MBTD1: variants seen among roughly 807,000 people sequenced by gnomAD.
The protein encoded by MBTD1 is MBT domain-containing protein 1.
In MBTD1, 24 loss-of-function variants were observed where a neutral mutation model predicts 87.8. The observed-to-expected ratio is 0.27, with a 90% CI of 0.20 to 0.38. MBTD1 has a LOEUF of 0.38. Ranked by LOEUF, MBTD1 falls within the 10% of genes least tolerant of loss-of-function variation. The pLI, the probability that MBTD1 is intolerant of heterozygous loss-of-function variation, is 1.00. For synonymous variants in MBTD1, 237 were observed against 248.6 expected (o/e 0.95, Z 0.44); for missense variants, 436 against 760.2 (o/e 0.57, Z 5.02).
chr17:51,193,782 C>T (rs538481535), intron 13 of MBTD1, among the ~76,000 whole-genome samples: 12 of 152,252 alleles, frequency 7.9e-5, no homozygotes, highest in African/African-American at 2.9e-4. Context: ...CTGTGACAGG[C>T]TAATTTTTTG....
intron 2 of MBTD1, among the ~76,000 whole-genome samples, chr17:51,228,120 T>C (rs2053334337): frequency 1.3e-5 from 2 of 152,048 alleles, no homozygotes; most frequent in Non-Finnish European, 2.9e-5. Context: ...CAGTATTTCC[T>C]CAGAAAACCA....
intron 6 of MBTD1, among the ~76,000 whole-genome samples, chr17:51,212,679 C>CATGG (rs1381995326): frequency 1.3e-5 from 2 of 151,916 alleles, no homozygotes; most frequent in African/African-American, 4.8e-5. Context: ...CTTGATTTCA[C>CATGG]ATGGCAAATA....
intron 2 of MBTD1, among the ~76,000 whole-genome samples, chr17:51,258,144 A>T (rs960196286): frequency 6.6e-6 from 1 of 152,362 alleles, no homozygotes; most frequent in Non-Finnish European, 1.5e-5. Context: ...GGAGAGAAAA[A>T]TTGAGTCTAA....
intron 15 of MBTD1, 134 bp from the exon 16 acceptor site, chr17:51,192,414 G>A (rs2050856925): frequency 1.5e-6 from 1 of 682,982 alleles, no homozygotes; most frequent in African/African-American, 1.8e-5. Context: ...CTGAAAATAA[G>A]GGTACTTGTT....
chr17:51,189,127 T>C (rs996712165), intron 16 of MBTD1, among the ~76,000 whole-genome samples: 2 of 151,432 alleles, frequency 1.3e-5, no homozygotes, highest in Non-Finnish European at 2.9e-5. Flanking sequence ...ACTTATAATT[T>C]TTATTTGGGC....
In MBTD1 at chr17:51,187,866, GA is replaced by G. The variant is rs71149350; in HGVS notation, c.1768+4336del. On this transcript the variant is annotated intron_variant, in intron 16 of 16. Coordinates refer to ENST00000586178, the MANE Select transcript of MBTD1 (RefSeq NM_017643.3). ...TCTGTCTCAAAAAGAAAGAAAGAAA[GA>G]AAAAAAAAAAAAAAGCAAAGGGATC... Among the ~76,000 whole-genome samples the G allele has an allele frequency of 2.6e-3, 308 of 118,128 alleles. 1 individual carries two copies. Among genetic ancestry groups the G allele is most frequent in the Middle Eastern group, 5.1e-3 (1 of 196 alleles). 77.5% of individuals were successfully genotyped at this position (118,128 alleles called of 152,430 possible). A position where few individuals can be genotyped will look rare whatever the true frequency, so the allele number is the denominator to read the frequency against.
At chr17:51,195,004 A>C (rs2051018026) in intron 13 of MBTD1, among the ~76,000 whole-genome samples, 1 of 152,222 alleles carries the variant, frequency 6.6e-6, no homozygotes, top group Admixed American at 6.5e-5. Flanking sequence ...ATGCTCAGGA[A>C]AAATTCTATA....
intron 6 of MBTD1, among the ~76,000 whole-genome samples, chr17:51,210,382 A>T (rs1338323238): frequency 1.3e-5 from 2 of 152,098 alleles, no homozygotes; most frequent in African/African-American, 4.8e-5. Flanking sequence ...AAAAAGGAAA[A>T]TGGGAGGCCT....
intron 2 of MBTD1, among the ~76,000 whole-genome samples, chr17:51,235,246 G>C (rs1420844204): frequency 2.6e-5 from 4 of 151,288 alleles, no homozygotes. Flanking sequence ...AGCTATTCTC[G>C]TGCCTTAGCC....
Position 51,231,870 on chromosome 17 carries a change from T to A in MBTD1, c.-48-6661A>T, listed in dbSNP as rs576361381. Among the ~76,000 whole-genome samples the A allele has an allele frequency of 2.1e-3, 323 of 152,206 alleles. 2 individuals are homozygous for A. The highest frequency in any genetic ancestry group is 6.8e-3 in the African/African-American group (283 of 41,536). On this transcript the variant is annotated intron_variant, in intron 2 of 16. Transcript: ENST00000586178. ...ACAGTGACTTATCTAAGTTTTTTTT[T>A]TATATATACATTAGGATAGAATACC...
chr17:51,186,802 C>CAA (rs1001440451), intron 16 of MBTD1, among the ~76,000 whole-genome samples: 1 of 150,978 alleles, frequency 6.6e-6, no homozygotes, highest in Non-Finnish European at 1.5e-5. Flanking sequence ...CAAAACAAAA[C>CAA]AAAAAGAACA....
chr17:51,181,334 A>G (rs1199509193), intron 16 of MBTD1, among the ~76,000 whole-genome samples: 2 of 152,258 alleles, frequency 1.3e-5, no homozygotes, highest in South Asian at 2.1e-4. Flanking sequence ...CTCAAGGAGT[A>G]CTTTTATTAA....
At chr17:51,209,425 C>T (rs1225117066) in intron 6 of MBTD1, 2 of 471,082 alleles carry the variant, frequency 4.2e-6, no homozygotes, top group African/African-American at 2.0e-5. Flanking sequence ...GAGCGACTCT[C>T]CTTCCCTGCA....
intron 2 of MBTD1, among the ~76,000 whole-genome samples, chr17:51,239,621 A>G (rs2054048634): frequency 6.6e-6 from 1 of 152,158 alleles, no homozygotes; most frequent in Non-Finnish European, 1.5e-5. Context: ...GGGCCAGAAA[A>G]TGCTTTTTTT....
At chr17:51,259,799 CTGGCACACAAAG>C in intron 1 of MBTD1, 24 bp downstream of exon 1, 1 of 1,232,758 alleles carries the variant, frequency 8.1e-7, no homozygotes, top group Non-Finnish European at 1.0e-6. Flanking sequence ...TCCCCCCCAC[CTGGCACACAAAG>C]CGGCTGCCGC....
intron 2 of MBTD1, among the ~76,000 whole-genome samples, chr17:51,243,771 C>T (rs569846976): frequency 6.6e-6 from 1 of 152,292 alleles, no homozygotes; most frequent in South Asian, 2.1e-4. Context: ...AAGCGATCCT[C>T]CCACCACAGC....
Position 51,234,566 on chromosome 17 carries a change from T to C in MBTD1, c.-48-9357A>G, listed in dbSNP as rs537774301. Among the ~76,000 whole-genome samples the C allele has an allele frequency of 1.6e-4, 25 of 152,242 alleles. No homozygotes were observed. In the South Asian group the frequency reaches 1.9e-3, roughly 11 times the overall value. On this transcript the variant is annotated intron_variant, in intron 2 of 16. Transcript: ENST00000586178. ...ACCAAATGTCACTCATAAAGAAACA[T>C]ACCTGAATAATCCTGTATCTACTGA...
chr17:51,237,637 A>G (rs1468172905), intron 2 of MBTD1, among the ~76,000 whole-genome samples: 1 of 152,240 alleles, frequency 6.6e-6, no homozygotes, highest in African/African-American at 2.4e-5. Context: ...TAACACACCT[A>G]TTAGAATGAC....
chr17:51,244,144 G>A (rs906840783), intron 2 of MBTD1, among the ~76,000 whole-genome samples: 6 of 152,044 alleles, frequency 3.9e-5, no homozygotes, highest in East Asian at 1.9e-4. Context: ...AAATCTCACC[G>A]CCATTCTTAA....
Sources: gnomAD v4.1 joint callset for allele counts (sites outside exome capture counted in the v4.1 genomes callset) on GRCh38, gnomAD v4.1.1 for gene constraint, MANE v1.5 for transcripts, NCBI Gene and HGNC (gene_info 2026-07-23, HGNC 2026-07-21) for gene names.